The following DCLRE1A variants were observed in gnomAD, a reference collection of about 807,000 sequenced individuals.
DCLRE1A encodes the protein DNA cross-link repair 1A, also known as DNA cross-link repair 1A protein.
A neutral mutation model predicts 91.9 loss-of-function variants in DCLRE1A; 64 were observed. The observed-to-expected ratio is 0.70, with a 90% CI of 0.57 to 0.86. The LOEUF (loss-of-function observed/expected upper bound fraction) is 0.86. Among genes scored for constraint, DCLRE1A ranks in the 40% least tolerant of loss-of-function variants. The probability of loss-of-function intolerance (pLI) is 0.00; values close to 1 mark genes in which losing one functional copy is unlikely to be tolerated. For synonymous variants in DCLRE1A, 416 were observed against 431.1 expected (o/e 0.96, Z 0.43); for missense variants, 1,145 against 1,213.3 (o/e 0.94, Z 0.84).
At chr10:113,837,416 C>G (rs17228869) in intron 7 of DCLRE1A, among the ~76,000 whole-genome samples, 105 of 151,744 alleles carry the variant, frequency 6.9e-4, no homozygotes, top group Non-Finnish European at 9.7e-4. Context: ...TAAACAAGTA[C>G]AGTCTGGAAA....
At chr10:113,850,686 T>C (rs1254481727) in intron 1 of DCLRE1A, 42 bp from the exon 2 acceptor site, 18 of 1,460,948 alleles carry the variant, frequency 1.2e-5, no homozygotes, top group African/African-American at 5.7e-5. Flanking sequence ...GATCAAAGCA[T>C]AGACTAAGCT....
At chr10:113,841,353 A>C in intron 7 of DCLRE1A, 53 bp downstream of exon 7, 1 of 1,578,100 alleles carries the variant, frequency 6.3e-7, no homozygotes, top group Non-Finnish European at 8.6e-7. Context: ...AGCTTAAAAT[A>C]ATCAGATTAC....
Position 113,850,160 on chromosome 10 carries a change from T to G in DCLRE1A, c.945A>C (p.Lys315Asn), listed in dbSNP as rs1417500231. Residue 315 changes from lysine (K) to asparagine (N), a missense_variant, in exon 2 of 9, where the codon AAA (lysine) becomes AAC (asparagine). Transcript: ENST00000361384. ...SDEDTHDIDE[K>N]PDDSQEQLFF... Reference sequence around the variant, plus strand: ...ACAGTTGTTCTTGTGAATCATCCGGTTTTTCATCGATATCATGAGTGTCTT... The same window carrying G: ...ACAGTTGTTCTTGTGAATCATCCGGGTTTTCATCGATATCATGAGTGTCTT... 14 of 1,613,924 alleles carry G rather than the reference T, an allele frequency of 8.7e-6. No individual in the cohort carries two copies. The Admixed American group carries it at 2.3e-4, about 27-fold the overall frequency.
chr10:113,843,269 G>A (rs1398607371), intron 5 of DCLRE1A, among the ~76,000 whole-genome samples: 1 of 152,118 alleles, frequency 6.6e-6, no homozygotes, highest in Non-Finnish European at 1.5e-5. Context: ...TACTAGAGAA[G>A]AGTAAGAATA....
At position 113,844,377 on chromosome 10, in the gene DCLRE1A, C is replaced by G. The variant is rs78093283; in HGVS notation, c.2379-133G>C. ...ACATAGCATTGCACTACAGGAAATGCGGCACTTCAACTCAAGGAAATTTAC... is the reference window on the plus strand; with the variant it reads ...ACATAGCATTGCACTACAGGAAATGGGGCACTTCAACTCAAGGAAATTTAC... On this transcript the variant is annotated intron_variant, in intron 4 of 8. Transcript: ENST00000361384. The G allele has an allele frequency of 9.1e-5, 107 of 1,178,894 alleles. 1 individual carries two copies. The African/African-American group carries it at 1.5e-3, about 17-fold the overall frequency. 73.0% of individuals were successfully genotyped at this position (1,178,894 alleles called of 1,614,324 possible). A position where few individuals can be genotyped will look rare whatever the true frequency, so the allele number is the denominator to read the frequency against.
chr10:113,850,515 C>T lies in DCLRE1A; in HGVS notation c.590G>A (p.Ser197Asn). 1 of 1,614,124 alleles carries T rather than the reference C, an allele frequency of 6.2e-7. No homozygotes were observed. Among genetic ancestry groups the T allele is most frequent in the East Asian group, 2.2e-5 (1 of 44,888 alleles). Residue 197 changes from serine (S) to asparagine (N), a missense_variant, in exon 2 of 9, where the codon AGT (serine) becomes AAT (asparagine). Transcript: ENST00000361384. Reference sequence around the variant, plus strand: ...GACGCCTGACTTAGTCTCACTGAAACTGCCACCTGACGCAGGTGATGGGCT... The same window carrying T: ...GACGCCTGACTTAGTCTCACTGAAATTGCCACCTGACGCAGGTGATGGGCT... The part of the protein sequence containing the change: ...FSSPSPASGG[S>N]FSETKSGVLC...
At chr10:113,848,725 C>T (rs980862409) in intron 2 of DCLRE1A, among the ~76,000 whole-genome samples, 4 of 151,982 alleles carry the variant, frequency 2.6e-5, no homozygotes, top group South Asian at 2.1e-4. Flanking sequence ...TTCTATAGCC[C>T]GTAATATCCA....
rs1441250607 is a variant in DCLRE1A at position 113,847,321 on chromosome 10, C to A, written c.2140G>T (p.Val714Phe). Residue 714 changes from valine (V) to phenylalanine (F), a missense_variant, in exon 3 of 9, where the codon GTT (valine) becomes TTT (phenylalanine). Val to Phe is a conservative substitution (Grantham distance 50, BLOSUM62 -1). Coordinates refer to ENST00000361384, the MANE Select transcript of DCLRE1A (RefSeq NM_014881.5). ...ACCACGCCATACTGAAAGGCATCAACTGTAAAGCCGGTTCCTGCAATAAAA... is the reference window on the plus strand; with the variant it reads ...ACCACGCCATACTGAAAGGCATCAAATGTAAAGCCGGTTCCTGCAATAAAA... The part of the protein sequence containing the change: ...YKKIPGTGFT[V>F]DAFQYGVVEG... 3 of 1,613,572 alleles carry A rather than the reference C, an allele frequency of 1.9e-6. No homozygotes were observed. The highest frequency in any genetic ancestry group is 2.5e-6 in the Non-Finnish European group (3 of 1,179,784).
intron 7 of DCLRE1A, among the ~76,000 whole-genome samples, chr10:113,839,052 G>C (rs1225341923): frequency 6.6e-6 from 1 of 152,080 alleles, no homozygotes; most frequent in Non-Finnish European, 1.5e-5. Flanking sequence ...GAGGCCGGGC[G>C]TGGTGGCTCA....
intron 8 of DCLRE1A, among the ~76,000 whole-genome samples, chr10:113,835,949 AAAT>A (rs947724150): frequency 2.6e-5 from 4 of 152,156 alleles, no homozygotes; most frequent in African/African-American, 7.2e-5. Flanking sequence ...AATTAAAAAA[AAAT>A]AATAAGATAG....
At chr10:113,835,427 CA>C in intron 8 of DCLRE1A, 115 bp from the exon 9 acceptor site, 1 of 1,076,922 alleles carries the variant, frequency 9.3e-7, no homozygotes, top group Non-Finnish European at 1.3e-6. Context: ...GTATTTTTGT[CA>C]AAAACCCCTC....
chr10:113,843,154 A>G (rs1845474043), intron 5 of DCLRE1A, among the ~76,000 whole-genome samples: 1 of 152,040 alleles, frequency 6.6e-6, no homozygotes, highest in Non-Finnish European at 1.5e-5. Context: ...CTATCTATCT[A>G]TATTTGATAT....
At position 113,844,181 on chromosome 10, in the gene DCLRE1A, T is replaced by C. The variant is rs556996332; in HGVS notation, c.2442A>G (p.Gly814=). The change falls in exon 5 of 9, where the codon GGA becomes GGG. Residue 814 remains glycine, a synonymous_variant. Transcript: ENST00000361384. ...LPNGTVILHT[G]DFRADPSMER... ...CCATGCTGGGATCTGCTCTGAAGTC[T>C]CCCGTGTGTAATATGACAGTACCAT... 3 of 1,614,148 alleles carry C rather than the reference T, an allele frequency of 1.9e-6. No homozygotes were observed. Among genetic ancestry groups the C allele is most frequent in the South Asian group, 2.2e-5 (2 of 91,080 alleles).
intron 7 of DCLRE1A, among the ~76,000 whole-genome samples, chr10:113,840,684 T>C (rs192847143): frequency 1.3e-5 from 2 of 152,322 alleles, no homozygotes; most frequent in Non-Finnish European, 2.9e-5. Context: ...CCTGTCTCCA[T>C]TGCCTCACCT....
Position 113,841,532 on chromosome 10 carries a change from C to G in DCLRE1A, c.2694G>C (p.Val898=). 6.2e-7 allele frequency: 1 copy of G among 1,610,042 alleles called. No homozygotes were observed. Among genetic ancestry groups the G allele is most frequent in the Non-Finnish European group, 8.5e-7 (1 of 1,178,558 alleles). ...TTTTATATTTTTCCTGGGACATGCC[C>G]ACTTTTGAACCTAAAACATCAGCAA... ...LAIADVLGSK[V]GMSQEKYKTL... The change falls in exon 7 of 9, where the codon GTG becomes GTC. Residue 898 remains valine (V), a synonymous_variant. Transcript: ENST00000361384.
Position 113,835,168 on chromosome 10 carries a change from A to C in DCLRE1A, c.3107T>G (p.Leu1036Trp). The change falls in exon 9 of 9, where the codon TTG becomes TGG. Residue 1036 changes from leucine (L) to tryptophan (W), a missense_variant. Transcript: ENST00000361384. ...TMEKYFREWK[L>W]EAGY ...GAGGTATCATCAATATCCAGCTTCC[A>C]ATTTCCACTCTCTAAAATATTTCTC... 1.2e-6 allele frequency: 2 copies of C among 1,613,688 alleles called. No individual in the cohort carries two copies. Among genetic ancestry groups the C allele is most frequent in the South Asian group, 2.2e-5 (2 of 90,904 alleles).
intron 7 of DCLRE1A, among the ~76,000 whole-genome samples, chr10:113,839,942 A>G (rs1464297289): frequency 6.6e-6 from 1 of 152,168 alleles, no homozygotes; most frequent in African/African-American, 2.4e-5. Flanking sequence ...GCCTCAAAAA[A>G]TCATTCAAAA....
In DCLRE1A at chr10:113,835,370, A is replaced by G. The variant is rs1465877325; in HGVS notation, c.2963-58T>C. 2.7e-6 allele frequency: 4 copies of G among 1,477,330 alleles called. No homozygotes were observed. In the African/African-American group the frequency reaches 4.3e-5, roughly 16 times the overall value. 91.5% of individuals were successfully genotyped at this position (1,477,330 alleles called of 1,614,324 possible). On this transcript the variant is annotated intron_variant, in intron 8 of 8. Coordinates refer to ENST00000361384, the MANE Select transcript of DCLRE1A (RefSeq NM_014881.5). ...AAATCAAACTAATTTAAACTTTCACAATCCTAAAATAAAATAGAATAAAAC... is the reference window on the plus strand; with the variant it reads ...AAATCAAACTAATTTAAACTTTCACGATCCTAAAATAAAATAGAATAAAAC...
Position 113,852,952 on chromosome 10 carries a change from A to C in DCLRE1A, c.231T>G (p.Ala77=), listed in dbSNP as rs1211598904. 2 of 1,614,100 alleles carry C rather than the reference A, an allele frequency of 1.2e-6. No homozygotes were observed. Among genetic ancestry groups the C allele is most frequent in the Non-Finnish European group, 1.7e-6 (2 of 1,180,044 alleles). Residue 77 remains alanine (A), a synonymous_variant, in exon 1 of 9, where the codon GCT becomes GCG. Coordinates refer to ENST00000361384, the MANE Select transcript of DCLRE1A (RefSeq NM_014881.5). ...LGNAGCQTSV[A]SSQNSSCGDG... ...CTCCACAACTTGAATTCTGACTAGA[A>C]GCAACAGAAGTCTGACAACCTGCAT...
Sources: gnomAD v4.1 joint callset for allele counts (sites outside exome capture counted in the v4.1 genomes callset) on GRCh38, gnomAD v4.1.1 for gene constraint, MANE v1.5 for transcripts, NCBI Gene and HGNC (gene_info 2026-07-23, HGNC 2026-07-21) for gene names.